Variants in LMAN1 observed in about 807,000 individuals in gnomAD.
LMAN1 encodes the protein protein ERGIC-53.
LMAN1 carries 32 observed loss-of-function variants against 67.8 expected under a neutral mutation model. That is an observed-to-expected ratio of 0.47 (90% CI 0.36 to 0.63). LMAN1 has a LOEUF of 0.63. Ranked by LOEUF, LMAN1 falls within the 30% of genes least tolerant of loss-of-function variation. The pLI, the probability that LMAN1 is intolerant of heterozygous loss-of-function variation, is 0.00. For synonymous variants in LMAN1, 235 were observed against 219.3 expected, an observed-to-expected ratio of 1.07 and a Z score of -0.63; for missense variants, 632 against 628.2, an observed-to-expected ratio of 1.01 and a Z score of -0.06.
At chr18:59,358,265 C>T (rs771731223) in intron 1 of LMAN1, among the ~76,000 whole-genome samples, 35 of 152,180 alleles carry the variant, frequency 2.3e-4, no homozygotes, top group Admixed American at 6.5e-5. Context: ...TATTTCAATG[C>T]TTCCAATTTT....
Position 59,347,999 on chromosome 18 carries a change from C to T in LMAN1, c.764-428G>A, listed in dbSNP as rs533727724. ...GAAAATCCTGGTCTCCACATACTGC[C>T]GGGTACCTATATGTCTCTGAACCTT... On this transcript the variant is annotated intron_variant, in intron 6 of 12. Coordinates refer to ENST00000251047, the MANE Select transcript of LMAN1 (RefSeq NM_005570.4). Among the ~76,000 whole-genome samples the T allele has an allele frequency of 4.6e-5, 7 of 152,306 alleles. No homozygotes were observed. In the South Asian group the frequency reaches 6.2e-4, roughly 14 times the overall value.
chr18:59,337,944 T>C (rs550292610), intron 10 of LMAN1, among the ~76,000 whole-genome samples: 1 of 152,328 alleles, frequency 6.6e-6, no homozygotes, highest in South Asian at 2.1e-4. Context: ...CATGACACTA[T>C]GGTTTGTTAT....
chr18:59,354,815 GC>G, intron 3 of LMAN1, among the ~76,000 whole-genome samples: 1 of 152,292 alleles, frequency 6.6e-6, no homozygotes, highest in Admixed American at 6.5e-5. Flanking sequence ...AGGCTGTTAA[GC>G]CACAAGCTAA....
Position 59,355,544 on chromosome 18 carries a change from A to T in LMAN1, c.329T>A (p.Phe110Tyr). The T allele has an allele frequency of 6.2e-7, 1 of 1,614,138 alleles. No homozygotes were observed. Among genetic ancestry groups the T allele is most frequent in the Non-Finnish European group, 8.5e-7 (1 of 1,179,984 alleles). Residue 110 changes from phenylalanine (F) to tyrosine (Y), a missense_variant, in exon 2 of 13, where the codon TTT becomes TAT. Physicochemically the swap from Phe to Tyr is conservative, Grantham distance 22. Transcript: ENST00000251047. ...AFENWEVEVTFRVTGRGRIGA... is the reference protein window; with the variant it reads ...AFENWEVEVTYRVTGRGRIGA... ...AATTCGACCTCTTCCAGTCACTCGA[A>T]ATGTCACCTCAACTTCCCAGTTCTC...
At chr18:59,338,380 G>A (rs902025855) in intron 10 of LMAN1, among the ~76,000 whole-genome samples, 177 bp downstream of exon 10, 1 of 151,976 alleles carries the variant, frequency 6.6e-6, no homozygotes, top group African/African-American at 2.4e-5. Context: ...AGACATGTTT[G>A]CAGTTTTTGA....
At chr18:59,336,412 TG>T (rs1169270847) in intron 10 of LMAN1, among the ~76,000 whole-genome samples, 4 of 152,170 alleles carry the variant, frequency 2.6e-5, no homozygotes, top group African/African-American at 9.7e-5. Context: ...TGACCATACC[TG>T]AAACAATTTG....
chr18:59,337,020 A>C (rs1294755984), intron 10 of LMAN1, among the ~76,000 whole-genome samples: 1 of 151,812 alleles, frequency 6.6e-6, no homozygotes, highest in Non-Finnish European at 1.5e-5. Flanking sequence ...ATGGATACTT[A>C]CATAGTCTCA....
intron 1 of LMAN1, among the ~76,000 whole-genome samples, chr18:59,358,629 T>G (rs533081180): frequency 6.6e-6 from 1 of 151,822 alleles, no homozygotes; most frequent in Non-Finnish European, 1.5e-5. Flanking sequence ...TTCTAGAACA[T>G]GTCTCAGGTT....
chr18:59,347,589 A>G lies in LMAN1; in HGVS notation c.764-18T>C, dbSNP rs767794707. On this transcript the variant is annotated intron_variant, in intron 6 of 12. Coordinates refer to ENST00000251047, the MANE Select transcript of LMAN1 (RefSeq NM_005570.4). ...ATGGTCATCTACAAATTAAAAAAAAAAAAGTCTGAAAAAGTTCCATAGGAG... is the reference window on the plus strand; with the variant it reads ...ATGGTCATCTACAAATTAAAAAAAAGAAAGTCTGAAAAAGTTCCATAGGAG... The G allele has an allele frequency of 3.3e-5, 49 of 1,506,316 alleles. 1 individual carries two copies. In the South Asian group the frequency reaches 4.7e-4, roughly 15 times the overall value. The allele number at this position is 1,506,316 out of a possible 1,614,324, so 93.3% of individuals were successfully genotyped here.
intron 1 of LMAN1, among the ~76,000 whole-genome samples, chr18:59,356,154 C>G (rs1030152578): frequency 6.6e-6 from 1 of 152,158 alleles, no homozygotes; most frequent in Non-Finnish European, 1.5e-5. Flanking sequence ...AATGAAGGAG[C>G]TAGGCTCGAT....
intron 7 of LMAN1, 34 bp downstream of exon 7, chr18:59,347,479 C>G: frequency 6.6e-7 from 1 of 1,518,000 alleles, no homozygotes; most frequent in Non-Finnish European, 9.1e-7. Flanking sequence ...GCAAACTAAA[C>G]TGATAAAGTT....
rs142757040 is a variant in LMAN1, at chr18:59,332,104, C to T, written c.1375-565G>A. On this transcript the variant is annotated intron_variant, in intron 11 of 12. Coordinates refer to ENST00000251047, the MANE Select transcript of LMAN1 (RefSeq NM_005570.4). ...TCTATTATAAGGAGGCAATTAAATA[C>T]CAGGAACAAAGACTTCATCCAAGTA... 5.4e-3 allele frequency among the ~76,000 whole-genome samples: 822 copies of T among 152,106 alleles called. 10 individuals carry two copies. The highest frequency in any genetic ancestry group is 0.019 in the African/African-American group (786 of 41,496).
Position 59,354,506 on chromosome 18 carries a change from A to C in LMAN1, c.539+13T>G. On this transcript the variant is annotated intron_variant, in intron 4 of 12. Coordinates refer to ENST00000251047, the MANE Select transcript of LMAN1 (RefSeq NM_005570.4). ...AGCTGAAATCAGGAGTAATGTAAAA[A>C]ACACACACTTACTTTTGATGGTCAT... The C allele has an allele frequency of 7.0e-7, 1 of 1,436,664 alleles. No homozygotes were observed. Among genetic ancestry groups the C allele is most frequent in the East Asian group, 2.3e-5 (1 of 43,990 alleles). The allele number at this position is 1,436,664 out of a possible 1,614,324, so 89.0% of individuals were successfully genotyped here.
rs41419147 is a variant in LMAN1 at position 59,349,129 on chromosome 18, T to G, written c.747A>C (p.Ala249=). Residue 249 remains alanine, a synonymous_variant, in exon 6 of 13, where the codon GCA becomes GCC. Transcript: ENST00000251047. ...AAGATTTACCTGCAAGACCTCCAGT[T>G]GCAGCAGATATTCCAAAATGCCCTT... ...PAQGHFGISA[A]TGGLADDHDV... is the part of the protein sequence containing the mutation. The G allele has an allele frequency of 5.1e-4, 824 of 1,614,100 alleles. 5 individuals carry two copies. The African/African-American group carries it at 9.4e-3, about 18-fold the overall frequency.
chr18:59,356,481 A>G (rs995299911), intron 1 of LMAN1, among the ~76,000 whole-genome samples: 4 of 152,250 alleles, frequency 2.6e-5, no homozygotes, highest in African/African-American at 9.6e-5. Context: ...TAATTACTAA[A>G]GGTCTATCAG....
chr18:59,333,314 A>C, intron 10 of LMAN1, 70 bp from the exon 11 acceptor site: 1 of 1,202,014 alleles, frequency 8.3e-7, no homozygotes, highest in Non-Finnish European at 1.2e-6. Flanking sequence ...CAGATCTCCA[A>C]TACTTTTACT....
At chr18:59,353,137 AT>A in intron 5 of LMAN1, 64 bp downstream of exon 5, 1 of 1,362,216 alleles carries the variant, frequency 7.3e-7, no homozygotes, top group South Asian at 1.2e-5. Context: ...TCTATCAAAA[AT>A]TCAAAATGAA....
chr18:59,340,132 TGA>T (rs901020186), intron 8 of LMAN1, among the ~76,000 whole-genome samples: 26 of 152,264 alleles, frequency 1.7e-4, no homozygotes, highest in African/African-American at 6.3e-4. Flanking sequence ...GGCACAATTT[TGA>T]GAGTTTCATG....
intron 1 of LMAN1, among the ~76,000 whole-genome samples, chr18:59,356,135 T>C (rs1908656429): frequency 6.6e-6 from 1 of 152,204 alleles, no homozygotes; most frequent in Admixed American, 6.5e-5. Context: ...ACCATATGTT[T>C]ACCTGTAAAA....
Sources: gnomAD v4.1 joint callset for allele counts (sites outside exome capture counted in the v4.1 genomes callset) on GRCh38, gnomAD v4.1.1 for gene constraint, MANE v1.5 for transcripts, NCBI Gene and HGNC (gene_info 2026-07-23, HGNC 2026-07-21) for gene names.